ZNF804A: variants seen among roughly 807,000 people sequenced by gnomAD.
ZNF804A encodes zinc finger protein 804A.
In ZNF804A, 2 loss-of-function variants were observed where a neutral mutation model predicts 16.5. The ratio of observed to expected loss-of-function variants is 0.12; its 90% confidence interval spans 0.05 to 0.38. The LOEUF (loss-of-function observed/expected upper bound fraction) is 0.38, where lower values mean the gene tolerates loss of function less well. Among genes scored for constraint, ZNF804A ranks in the 10% least tolerant of loss-of-function variants. The pLI, the probability that ZNF804A is intolerant of heterozygous loss-of-function variation, is 0.99. For synonymous variants in ZNF804A, 534 were observed against 489.6 expected (o/e 1.09, Z -1.20); for missense variants, 1,473 against 1,390.7 (o/e 1.06, Z -0.94).
chr2:184,694,355 C>G (rs1023891174), intron 1 of ZNF804A, among the ~76,000 whole-genome samples: 20 of 152,186 alleles, frequency 1.3e-4, no homozygotes, highest in Non-Finnish European at 2.9e-4. Context: ...TTTCACAAAT[C>G]TTGTTCGCTT....
intron 1 of ZNF804A, among the ~76,000 whole-genome samples, chr2:184,629,182 T>A (rs1691562653): frequency 6.6e-6 from 1 of 152,140 alleles, no homozygotes; most frequent in Non-Finnish European, 1.5e-5. Context: ...CTTTGTTGAT[T>A]TTATGTGTTG....
At chr2:184,841,407 T>A (rs189301636) in intron 1 of ZNF804A, among the ~76,000 whole-genome samples, 3 of 152,320 alleles carry the variant, frequency 2.0e-5, no homozygotes, top group Admixed American at 6.5e-5. Context: ...CAGCTACATC[T>A]TATAAATATT....
chr2:184,845,750 A>G (rs1695501827), intron 1 of ZNF804A, among the ~76,000 whole-genome samples: 1 of 152,120 alleles, frequency 6.6e-6, no homozygotes, highest in Non-Finnish European at 1.5e-5. Flanking sequence ...GGTAGGGCTT[A>G]TGAAAGGAAT....
chr2:184,654,446 G>A (rs1045396680), intron 1 of ZNF804A, among the ~76,000 whole-genome samples: 2 of 152,132 alleles, frequency 1.3e-5, no homozygotes, highest in Non-Finnish European at 2.9e-5. Context: ...TTGCTGCAGA[G>A]GTTATGGTTT....
At chr2:184,934,150 A>T (rs1348594467) in intron 3 of ZNF804A, among the ~76,000 whole-genome samples, 1 of 152,130 alleles carries the variant, frequency 6.6e-6, no homozygotes, top group Non-Finnish European at 1.5e-5. Flanking sequence ...ATTATGTTTA[A>T]GATTCTTTTT....
chr2:184,751,830 C>T (rs1233085084), intron 1 of ZNF804A, among the ~76,000 whole-genome samples: 1 of 151,702 alleles, frequency 6.6e-6, no homozygotes, highest in Non-Finnish European at 1.5e-5. Flanking sequence ...CATAAAGTGA[C>T]ATTTCTCAAA....
intron 1 of ZNF804A, among the ~76,000 whole-genome samples, chr2:184,802,719 T>C (rs1694746134): frequency 6.6e-6 from 1 of 152,236 alleles, no homozygotes. Flanking sequence ...CTTGGAATAG[T>C]ATCTTCCAAA....
intron 1 of ZNF804A, among the ~76,000 whole-genome samples, chr2:184,671,569 C>T (rs549116408): frequency 2.6e-4 from 39 of 152,278 alleles, no homozygotes; most frequent in African/African-American, 9.4e-4. Flanking sequence ...TGATTAACGG[C>T]ATTCCTCTGG....
intron 1 of ZNF804A, among the ~76,000 whole-genome samples, chr2:184,690,204 AG>A (rs1225818272): frequency 4.0e-5 from 6 of 151,528 alleles, no homozygotes; most frequent in Non-Finnish European, 8.9e-5. Flanking sequence ...AAAAAAAAAA[AG>A]TGATATAATA....
chr2:184,815,394 T>A (rs1261710100), intron 1 of ZNF804A, among the ~76,000 whole-genome samples: 1 of 151,880 alleles, frequency 6.6e-6, no homozygotes, highest in Non-Finnish European at 1.5e-5. Flanking sequence ...TGAGAAAAAA[T>A]AAATAAATTA....
rs1574278589 is a variant in ZNF804A at position 184,936,860 on chromosome 2, G to A, written c.1464G>A (p.Lys488=). 10 of 1,613,256 alleles carry A rather than the reference G, an allele frequency of 6.2e-6. No individual in the cohort carries two copies. The highest frequency in any genetic ancestry group is 8.5e-6 in the Non-Finnish European group (10 of 1,179,704). ...TAAAAGATCTTTGTTCTCAGCAGAA[G>A]CAGGAAGACATTTGCATGGGACCAC... The part of the protein sequence containing the change: ...PDLKDLCSQQ[K]QEDICMGPLS... Residue 488 remains lysine (K), a synonymous_variant, in exon 4 of 4, where the codon AAG becomes AAA. Coordinates refer to ENST00000302277, the MANE Select transcript of ZNF804A (RefSeq NM_194250.2).
At chr2:184,740,734 A>C (rs950424947) in intron 1 of ZNF804A, among the ~76,000 whole-genome samples, 3 of 152,054 alleles carry the variant, frequency 2.0e-5, no homozygotes, top group Non-Finnish European at 2.9e-5. Flanking sequence ...AACTTTTTGA[A>C]TTTTTAATAT....
chr2:184,782,287 C>T (rs1194315485), intron 1 of ZNF804A, among the ~76,000 whole-genome samples: 1 of 151,410 alleles, frequency 6.6e-6, no homozygotes, highest in East Asian at 2.0e-4. Flanking sequence ...TTGAAGGGTG[C>T]AAAGTATTGA....
At chr2:184,729,148 T>C (rs953781241) in intron 1 of ZNF804A, among the ~76,000 whole-genome samples, 4 of 151,974 alleles carry the variant, frequency 2.6e-5, no homozygotes, top group Admixed American at 2.0e-4. Flanking sequence ...ATATTGTATA[T>C]ACTAAAATTA....
chr2:184,703,558 C>T (rs1357272831), intron 1 of ZNF804A, among the ~76,000 whole-genome samples: 3 of 151,560 alleles, frequency 2.0e-5, no homozygotes, highest in East Asian at 1.9e-4. Flanking sequence ...GGCGTGGTGG[C>T]GGGCGCCTGT....
In ZNF804A at chr2:184,609,395, G is replaced by C. The variant is rs141115012; in HGVS notation, c.111+10325G>C. On this transcript the variant is annotated intron_variant, in intron 1 of 3. Transcript: ENST00000302277. The stretch of plus-strand genomic sequence containing the variant: ...CCTGTTGAAGTGTTTTGACAGAGAG[G>C]CGTGATTACTGCTAGTGCACAGACT... 1.8e-3 allele frequency among the ~76,000 whole-genome samples: 267 copies of C among 152,292 alleles called. 3 individuals carry two copies. The East Asian group carries it at 0.023, about 13-fold the overall frequency.
At chr2:184,720,083 C>T (rs1005376771) in intron 1 of ZNF804A, among the ~76,000 whole-genome samples, 3 of 152,096 alleles carry the variant, frequency 2.0e-5, no homozygotes, top group African/African-American at 7.2e-5. Context: ...AAATGCACAC[C>T]TCATACAGTG....
intron 1 of ZNF804A, among the ~76,000 whole-genome samples, chr2:184,738,858 G>T (rs186163894): frequency 4.6e-5 from 7 of 152,294 alleles, no homozygotes; most frequent in African/African-American, 1.7e-4. Context: ...TTTTATGTAT[G>T]TTTTGCAGAT....
chr2:184,900,393 G>A (rs1327811367), intron 2 of ZNF804A, among the ~76,000 whole-genome samples: 3 of 152,030 alleles, frequency 2.0e-5, no homozygotes, highest in Admixed American at 6.6e-5. Context: ...GAAGAGTGAG[G>A]AGGCTAATTC....
Sources: gnomAD v4.1 joint callset for allele counts (sites outside exome capture counted in the v4.1 genomes callset) on GRCh38, gnomAD v4.1.1 for gene constraint, MANE v1.5 for transcripts, NCBI Gene and HGNC (gene_info 2026-07-23, HGNC 2026-07-21) for gene names.